PALS2: variants seen among roughly 807,000 people sequenced by gnomAD.
PALS2 encodes protein associated with LIN7 2, MAGUK p55 family member, also known as protein PALS2.
Under a neutral mutation model 61.6 loss-of-function variants are expected in PALS2, and 27 were observed. That is an observed-to-expected ratio of 0.44 (90% CI 0.32 to 0.60). The LOEUF (loss-of-function observed/expected upper bound fraction) is 0.60. Among genes scored for constraint, PALS2 ranks in the 20% least tolerant of loss-of-function variants. The probability of loss-of-function intolerance (pLI) is 0.05; values close to 1 mark genes in which losing one functional copy is unlikely to be tolerated. For missense variants in PALS2, 554 were observed against 639.4 expected, an observed-to-expected ratio of 0.87 and a Z score of 1.44; for synonymous variants, 236 against 218.6, an observed-to-expected ratio of 1.08 and a Z score of -0.70.
intron 11 of PALS2, among the ~76,000 whole-genome samples, chr7:24,686,551 C>G (rs1788214915): frequency 6.6e-6 from 1 of 152,128 alleles, no homozygotes; most frequent in Non-Finnish European, 1.5e-5. Context: ...CAGTCTTTTT[C>G]CAATCACTTT....
In PALS2 at chr7:24,683,104, T is replaced by G. The variant is rs115721266; in HGVS notation, c.1446+2584T>G. On this transcript the variant is annotated intron_variant, in intron 11 of 11. Coordinates refer to ENST00000222644, the MANE Select transcript of PALS2 (RefSeq NM_001303037.2). ...TAAAGTTCCTCAGTAACTCTTTACC[T>G]ACTGGTTTTAGCAAACTTTATTGAT... 5.2e-3 allele frequency among the ~76,000 whole-genome samples: 790 copies of G among 152,338 alleles called. 7 individuals carry two copies. Among genetic ancestry groups the G allele is most frequent in the African/African-American group, 0.017 (722 of 41,590 alleles).
chr7:24,628,880 AG>A (rs1465455182), intron 2 of PALS2, among the ~76,000 whole-genome samples: 14 of 152,230 alleles, frequency 9.2e-5, no homozygotes, highest in African/African-American at 2.9e-4. Context: ...GCTCATGGAT[AG>A]GAAGAATCAA....
chr7:24,605,986 A>G (rs920879129), intron 1 of PALS2, among the ~76,000 whole-genome samples: 1 of 152,140 alleles, frequency 6.6e-6, no homozygotes, highest in Non-Finnish European at 1.5e-5. Context: ...GGATTTGTCA[A>G]CCCAAAGATG....
At position 24,687,378 on chromosome 7, in the gene PALS2, A is replaced by C; in HGVS notation, c.1447-60A>C. 3.2e-6 allele frequency: 4 copies of C among 1,263,324 alleles called. No individual in the cohort carries two copies. The highest frequency in any genetic ancestry group is 4.5e-6 in the Non-Finnish European group (4 of 887,480). The allele number at this position is 1,263,324 out of a possible 1,614,324, so 78.3% of individuals were successfully genotyped here. On this transcript the variant is annotated intron_variant, in intron 11 of 11. Transcript: ENST00000222644. This position sits in a 1 kb window ranked among gnomAD's most constrained non-coding sequence, Gnocchi z 4.5. ...ATTTATTATATTCACTTCTAGTTGG[A>C]GTTTGAGCAAGTAAATATGCATTGT...
rs1318181302 is a variant in PALS2, at chr7:24,693,677, T to C, written c.*6063T>C. On this transcript the variant is annotated 3_prime_UTR_variant, in exon 12 of 12. Coordinates refer to ENST00000222644, the MANE Select transcript of PALS2 (RefSeq NM_001303037.2). The stretch of plus-strand genomic sequence containing the variant: ...TGAAATACAATAAAAATATTTCTTA[T>C]GTCTCTGTATTCTCTTTTAAAAAGA... 2.0e-5 allele frequency: 3 copies of C among 152,194 alleles called. No individual in the cohort carries two copies. The highest frequency in any genetic ancestry group is 7.2e-5 in the African/African-American group (3 of 41,462). 9.4% of individuals were successfully genotyped at this position (152,194 alleles called of 1,614,324 possible). A position where few individuals can be genotyped will look rare whatever the true frequency, so the allele number is the denominator to read the frequency against.
chr7:24,650,682 A>G lies in PALS2; in HGVS notation c.621A>G (p.Pro207=). 6.2e-7 allele frequency: 1 copy of G among 1,603,098 alleles called. No homozygotes were observed. Among genetic ancestry groups the G allele is most frequent in the Non-Finnish European group, 8.5e-7 (1 of 1,170,682 alleles). The change falls in exon 5 of 12, where the codon CCA becomes CCG. Residue 207 remains proline, a synonymous_variant. Transcript: ENST00000222644. ...GAAGTGTCACCCTAAAAATCTTACC[A>G]AGTTATAGAGATACCATTACTCCTC... ...ISGSVTLKIL[P]SYRDTITPQQ... is the part of the protein sequence containing the mutation.
At chr7:24,646,622 TTG>T (rs1785846833) in intron 3 of PALS2, among the ~76,000 whole-genome samples, 2 of 152,286 alleles carry the variant, frequency 1.3e-5, no homozygotes, top group South Asian at 4.1e-4. Flanking sequence ...TCTTTTTCTG[TTG>T]TGTTTCTGCC....
At chr7:24,669,253 A>G (rs1275579782) in intron 9 of PALS2, among the ~76,000 whole-genome samples, 1 of 152,236 alleles carries the variant, frequency 6.6e-6, no homozygotes, top group African/African-American at 2.4e-5. Flanking sequence ...CACTCATTTT[A>G]TGGTCTTTGC....
In PALS2 at chr7:24,636,212, CAAAA is replaced by C. The variant is rs553687246; in HGVS notation, c.118-5486_118-5483del. On this transcript the variant is annotated intron_variant, in intron 2 of 11. Coordinates refer to ENST00000222644, the MANE Select transcript of PALS2 (RefSeq NM_001303037.2). ...GGGCAACAAGAGCAAAACTCTATCT[CAAAA>C]AAAAAAAAAAAAAAAAAGTATCACT... Among the ~76,000 whole-genome samples the C allele has an allele frequency of 4.7e-3, 305 of 65,366 alleles. 1 individual carries two copies. The highest frequency in any genetic ancestry group is 0.016 in the African/African-American group (287 of 17,414). The allele number at this position is 65,366 out of a possible 152,430, so 42.9% of individuals were successfully genotyped here.
chr7:24,581,518 TTGA>T (rs1172872479), intron 1 of PALS2, among the ~76,000 whole-genome samples: 5 of 151,670 alleles, frequency 3.3e-5, no homozygotes, highest in African/African-American at 1.2e-4. Flanking sequence ...GGAGGAGGAG[TTGA>T]TAAGTCTTTT....
rs555947171 is a variant in PALS2, at chr7:24,645,392, G to A, written c.270+3524G>A. On this transcript the variant is annotated intron_variant, in intron 3 of 11. Coordinates refer to ENST00000222644, the MANE Select transcript of PALS2 (RefSeq NM_001303037.2). ...ATAGGGAGTCTTTTCCCCGTTGTTTGTTTTTGTCAGCTTTGTCAAAGATCA... is the reference window on the plus strand; with the variant it reads ...ATAGGGAGTCTTTTCCCCGTTGTTTATTTTTGTCAGCTTTGTCAAAGATCA... 2.0e-5 allele frequency among the ~76,000 whole-genome samples: 3 copies of A among 152,244 alleles called. No homozygotes were observed. In the South Asian group the frequency reaches 6.2e-4, roughly 32 times the overall value.
chr7:24,594,806 G>GT (rs1783437641), intron 1 of PALS2, among the ~76,000 whole-genome samples: 1 of 152,026 alleles, frequency 6.6e-6, no homozygotes, highest in East Asian at 1.9e-4. Context: ...ATGAATGTGT[G>GT]TATTTATTGT....
At chr7:24,676,880 A>G (rs905972084) in intron 9 of PALS2, among the ~76,000 whole-genome samples, 145 of 151,156 alleles carry the variant, frequency 9.6e-4, no homozygotes, top group Non-Finnish European at 2.9e-4. Flanking sequence ...GTTCCATATG[A>G]ACTTTAAAGT....
chr7:24,677,775 T>C, intron 9 of PALS2, among the ~76,000 whole-genome samples: 1 of 152,182 alleles, frequency 6.6e-6, no homozygotes, highest in Non-Finnish European at 1.5e-5. Context: ...ATCTTGAAGA[T>C]TCTCAAAGAT....
At chr7:24,668,691 A>G (rs759427157) in intron 9 of PALS2, 31 bp downstream of exon 9, 4 of 1,610,136 alleles carry the variant, frequency 2.5e-6, no homozygotes, top group Non-Finnish European at 3.4e-6. Flanking sequence ...TTGCTATGCA[A>G]TTGGCAGGAA....
At chr7:24,619,325 C>T (rs1230354481) in intron 1 of PALS2, among the ~76,000 whole-genome samples, 1 of 152,108 alleles carries the variant, frequency 6.6e-6, no homozygotes, top group African/African-American at 2.4e-5. Flanking sequence ...CTAATGCATG[C>T]TGCTAGTTTT....
intron 9 of PALS2, 95 bp downstream of exon 9, chr7:24,668,755 C>G (rs1342332650): frequency 7.0e-7 from 1 of 1,433,470 alleles, no homozygotes; most frequent in East Asian, 2.3e-5. Flanking sequence ...TATTGTTATT[C>G]CCAAATAAGT....
At chr7:24,631,614 A>G (rs557053061) in intron 2 of PALS2, among the ~76,000 whole-genome samples, 1 of 152,336 alleles carries the variant, frequency 6.6e-6, no homozygotes, top group East Asian at 1.9e-4. Flanking sequence ...GCTCTCAAAC[A>G]ACATTGCATG....
At position 24,618,579 on chromosome 7, in the gene PALS2, C is replaced by G. The variant is rs185924591; in HGVS notation, c.-2-5087C>G. Among the ~76,000 whole-genome samples the G allele has an allele frequency of 6.6e-6, 1 of 152,244 alleles. No individual in the cohort carries two copies. Among genetic ancestry groups the G allele is most frequent in the African/African-American group, 2.4e-5 (1 of 41,472 alleles). On this transcript the variant is annotated intron_variant, in intron 1 of 11. Coordinates refer to ENST00000222644, the MANE Select transcript of PALS2 (RefSeq NM_001303037.2). The surrounding 1 kb of genome is among the most constrained non-coding windows in gnomAD (Gnocchi z 5.1). ...ATTCACAGCAGCTCCCCAAACTGGG[C>G]TCAGGGCTTGCAAGGACTGTGGATT...
Sources: gnomAD v4.1 joint callset for allele counts (sites outside exome capture counted in the v4.1 genomes callset) on GRCh38, gnomAD v4.1.1 for gene constraint, Gnocchi (gnomAD v3.1) non-coding constraint, MANE v1.5 for transcripts, NCBI Gene and HGNC (gene_info 2026-07-23, HGNC 2026-07-21) for gene names.